RSBN1L: variants seen among roughly 807,000 people sequenced by gnomAD.
RSBN1L encodes round spermatid basic protein 1 like, also known as lysine-specific demethylase RSBN1L.
In RSBN1L, 30 loss-of-function variants were observed where a neutral mutation model predicts 67.7. That is an observed-to-expected ratio of 0.44 (90% CI 0.33 to 0.60). The LOEUF is 0.60. Ranked by LOEUF, RSBN1L falls within the 20% of genes least tolerant of loss-of-function variation. The pLI, the probability that RSBN1L is intolerant of heterozygous loss-of-function variation, is 0.02. For synonymous variants in RSBN1L, 433 were observed against 387.0 expected (o/e 1.12, Z -1.39); for missense variants, 992 against 1,031.7 (o/e 0.96, Z 0.53).
At chr7:77,728,446 TA>T in intron 1 of RSBN1L, among the ~76,000 whole-genome samples, 1 of 152,344 alleles carries the variant, frequency 6.6e-6, no homozygotes. Context: ...GTTTATTTTT[TA>T]CTTTCCTCTA....
chr7:77,778,760 A>T lies in RSBN1L; in HGVS notation c.2133A>T (p.Ser711=). 6.2e-7 allele frequency: 1 copy of T among 1,614,180 alleles called. No homozygotes were observed. Among genetic ancestry groups the T allele is most frequent in the Non-Finnish European group, 8.5e-7 (1 of 1,180,020 alleles). The change falls in exon 8 of 8, where the codon TCA becomes TCT. Residue 711 remains serine, a synonymous_variant. Transcript: ENST00000334955. The stretch of plus-strand genomic sequence containing the variant: ...CAGCTACTCATGAAACAGGCACATC[A>T]TCAGATTCCACATCATCTGTTCTTG... ...QNTATHETGT[S]SDSTSSVLGP... is the part of the protein sequence containing the mutation.
intron 3 of RSBN1L, among the ~76,000 whole-genome samples, chr7:77,755,454 C>G (rs1411262025): frequency 6.6e-6 from 1 of 152,202 alleles, no homozygotes; most frequent in East Asian, 1.9e-4. Flanking sequence ...CACCTGAGGT[C>G]AGGAGTTAAG....
intron 3 of RSBN1L, among the ~76,000 whole-genome samples, chr7:77,764,821 C>T (rs937934202): frequency 7.2e-5 from 11 of 151,914 alleles, no homozygotes; most frequent in African/African-American, 1.9e-4. Flanking sequence ...TTAGTAGAGA[C>T]GGGGTTTCAC....
chr7:77,757,700 G>A (rs1467096438), intron 3 of RSBN1L, among the ~76,000 whole-genome samples: 1 of 152,192 alleles, frequency 6.6e-6, no homozygotes, highest in African/African-American at 2.4e-5. Context: ...TTGGGTCTTG[G>A]GACACCTCAC....
intron 1 of RSBN1L, among the ~76,000 whole-genome samples, chr7:77,726,347 A>G (rs1193761100): frequency 6.6e-6 from 1 of 152,084 alleles, no homozygotes; most frequent in Non-Finnish European, 1.5e-5. Context: ...TTTGGCTGAG[A>G]CAGTATCTCA....
intron 1 of RSBN1L, among the ~76,000 whole-genome samples, chr7:77,734,180 AT>A (rs1791303556): frequency 6.6e-6 from 1 of 152,214 alleles, no homozygotes; most frequent in Non-Finnish European, 1.5e-5. Flanking sequence ...ACAAGTCAGC[AT>A]CCTGAGTACC....
chr7:77,727,481 A>G (rs189548798), intron 1 of RSBN1L, among the ~76,000 whole-genome samples: 5 of 152,310 alleles, frequency 3.3e-5, no homozygotes, highest in Non-Finnish European at 7.3e-5. Context: ...TGTTTAGATA[A>G]GAATTGTCAC....
chr7:77,708,634 G>A (rs1420786636), intron 1 of RSBN1L, among the ~76,000 whole-genome samples: 1 of 151,594 alleles, frequency 6.6e-6, no homozygotes, highest in African/African-American at 2.4e-5. Flanking sequence ...CACCCGCCTC[G>A]ACCTTCCAAA....
chr7:77,753,727 A>G (rs1402449406), intron 3 of RSBN1L, among the ~76,000 whole-genome samples: 1 of 152,188 alleles, frequency 6.6e-6, no homozygotes, highest in Non-Finnish European at 1.5e-5. Context: ...TCTTCTGGAA[A>G]CTTTTATTGT....
At chr7:77,743,842 TTTGA>T (rs1490189535) in intron 2 of RSBN1L, among the ~76,000 whole-genome samples, 1 of 152,134 alleles carries the variant, frequency 6.6e-6, no homozygotes, top group East Asian at 1.9e-4. Context: ...CCTGATTTTT[TTTGA>T]TTGTTTCATC....
chr7:77,767,077 C>G (rs1432315806), intron 4 of RSBN1L, among the ~76,000 whole-genome samples: 1 of 139,764 alleles, frequency 7.2e-6, no homozygotes, highest in African/African-American at 2.7e-5. Flanking sequence ...CCTTCCCTTC[C>G]CCTTCCCCTT....
intron 4 of RSBN1L, among the ~76,000 whole-genome samples, chr7:77,767,446 T>C (rs1791784085): frequency 6.6e-6 from 1 of 152,040 alleles, no homozygotes; most frequent in Non-Finnish European, 1.5e-5. Flanking sequence ...CGATCTCGGC[T>C]CACTGCAACC....
At chr7:77,772,444 G>C (rs1454233520) in intron 5 of RSBN1L, among the ~76,000 whole-genome samples, 1 of 152,216 alleles carries the variant, frequency 6.6e-6, no homozygotes, top group Non-Finnish European at 1.5e-5. Flanking sequence ...AGAGGTTTCT[G>C]CAATGAGTGA....
chr7:77,768,481 C>T (rs1791803770), intron 4 of RSBN1L, 180 bp from the exon 5 acceptor site: 1 of 571,282 alleles, frequency 1.8e-6, no homozygotes, highest in Non-Finnish European at 3.1e-6. Context: ...GTGTTTGAAA[C>T]AGTTTTTTGA....
chr7:77,701,015 G>A (rs549030061), intron 1 of RSBN1L, among the ~76,000 whole-genome samples: 1 of 152,082 alleles, frequency 6.6e-6, no homozygotes, highest in East Asian at 1.9e-4. Context: ...AAAATTAGCC[G>A]GGTGTGGCGG....
chr7:77,765,448 G>A, intron 3 of RSBN1L, 47 bp from the exon 4 acceptor site: 1 of 1,405,172 alleles, frequency 7.1e-7, no homozygotes, highest in South Asian at 1.6e-5. Flanking sequence ...ATATTCTTCA[G>A]GTAAAAAGAA....
intron 3 of RSBN1L, chr7:77,759,581 A>AAAAAAACCTCAGCAGAATT (rs1255844607): frequency 6.6e-6 from 1 of 151,610 alleles, no homozygotes; most frequent in Non-Finnish European, 1.5e-5. Flanking sequence ...CCCACCCGCT[A>AAAAAAACCTCAGCAGAATT]AAAAAAACCT....
At chr7:77,725,139 C>T (rs1284448469) in intron 1 of RSBN1L, among the ~76,000 whole-genome samples, 7 of 151,326 alleles carry the variant, frequency 4.6e-5, no homozygotes, top group South Asian at 4.2e-4. Flanking sequence ...CCACTGCGCC[C>T]GGCCACAAAT....
chr7:77,703,771 A>G (rs964090909), intron 1 of RSBN1L, among the ~76,000 whole-genome samples: 6 of 151,866 alleles, frequency 4.0e-5, no homozygotes, highest in African/African-American at 1.5e-4. Context: ...TACAGGCGTG[A>G]GCCACCGCGC....
Sources: allele counts gnomAD v4.1 joint callset (sites outside exome capture counted in the v4.1 genomes callset), GRCh38; gene constraint gnomAD v4.1.1; transcripts MANE v1.5; gene names NCBI Gene and HGNC (gene_info 2026-07-23, HGNC 2026-07-21).